The following APAF1 variants were observed in gnomAD, a reference collection of about 807,000 sequenced individuals.
The protein encoded by APAF1 is apoptotic peptidase activating factor 1.
A neutral mutation model predicts 152.4 loss-of-function variants in APAF1; 91 were observed. The observed-to-expected ratio is 0.60, with a 90% CI of 0.50 to 0.71. The LOEUF is 0.71. APAF1 is among the 30% of genes least tolerant of loss of function. The probability of loss-of-function intolerance (pLI) is 0.00; values close to 1 mark genes in which losing one functional copy is unlikely to be tolerated. For missense variants in APAF1, 1,283 were observed against 1,472.0 expected (o/e 0.87, Z 2.10); for synonymous variants, 484 against 494.1 (o/e 0.98, Z 0.27).
At chr12:98,673,695 T>C (rs944338736) in intron 12 of APAF1, among the ~76,000 whole-genome samples, 8 of 152,342 alleles carry the variant, frequency 5.3e-5, no homozygotes, top group South Asian at 2.1e-4. Flanking sequence ...AGCGTTTGAG[T>C]TTCTGTACTG....
Position 98,680,385 on chromosome 12 carries a change from G to A in APAF1, c.2029G>A (p.Val677Met), listed in dbSNP as rs757500870. 6.2e-7 allele frequency: 1 copy of A among 1,613,408 alleles called. No individual in the cohort carries two copies. The highest frequency in any genetic ancestry group is 8.5e-7 in the Non-Finnish European group (1 of 1,179,974). ...TGACAGATTTATAGCAACCTGCTCA[G>A]TGGATAAAAAAGTGAAGGTAGGAAA... Reference protein sequence around the residue: ...TDDRFIATCSVDKKVKIWNSM... With the variant: ...TDDRFIATCSMDKKVKIWNSM... The change falls in exon 14 of 27, where the codon GTG becomes ATG. Residue 677 changes from valine (V) to methionine (M), a missense_variant. Coordinates refer to ENST00000551964, the MANE Select transcript of APAF1 (RefSeq NM_181861.2).
intron 17 of APAF1, among the ~76,000 whole-genome samples, chr12:98,700,103 T>A (rs2097713792): frequency 6.6e-6 from 1 of 152,170 alleles, no homozygotes; most frequent in South Asian, 2.1e-4. Flanking sequence ...ATAAGAAAAT[T>A]CTTTGCTTTT....
intron 25 of APAF1, among the ~76,000 whole-genome samples, chr12:98,726,047 C>T (rs1158105671): frequency 6.6e-6 from 1 of 152,098 alleles, no homozygotes; most frequent in Non-Finnish European, 1.5e-5. Flanking sequence ...TTCACATTTC[C>T]GTCATTGTGG....
In APAF1 at chr12:98,667,441, G is replaced by A. The variant is rs985992988; in HGVS notation, c.1363-72G>A. 4.5e-6 allele frequency: 7 copies of A among 1,572,710 alleles called. No individual in the cohort carries two copies. The East Asian group carries it at 1.6e-4, about 35-fold the overall frequency. On this transcript the variant is annotated intron_variant, in intron 9 of 26. Transcript: ENST00000551964. Reference sequence around the variant, plus strand: ...TCTCTGTACATTCTTAATAGCTTTGGAAGCTGAAGTTACTGTGATGCTTAG... The same window carrying A: ...TCTCTGTACATTCTTAATAGCTTTGAAAGCTGAAGTTACTGTGATGCTTAG...
In APAF1 at chr12:98,649,497, C is replaced by T. The variant is rs139274870; in HGVS notation, c.339C>T (p.Val113=). Residue 113 remains valine (V), a synonymous_variant, in exon 4 of 27, where the codon GTC becomes GTT. Coordinates refer to ENST00000551964, the MANE Select transcript of APAF1 (RefSeq NM_181861.2). ...VSGITSYVRT[V]LCEGGVPQRP... ...TGTTTTGGATTTTAGTAAGGACAGT[C>T]CTGTGTGAAGGTGGAGTACCACAGA... The T allele has an allele frequency of 1.2e-6, 2 of 1,614,132 alleles. No homozygotes were observed. Among genetic ancestry groups the T allele is most frequent in the Admixed American group, 1.7e-5 (1 of 60,020 alleles).
Position 98,723,731 on chromosome 12 carries a change from G to A in APAF1, c.3297G>A (p.Lys1099=), listed in dbSNP as rs1198766874. 1.9e-6 allele frequency: 3 copies of A among 1,613,388 alleles called. No homozygotes were observed. The highest frequency in any genetic ancestry group is 2.5e-6 in the Non-Finnish European group (3 of 1,179,828). ...GTGACATTTCTCACGATGCTACCAA[G>A]TTTTCATCTACCTCTGCTGACAAGA... ...LSCDISHDAT[K]FSSTSADKTA... is the part of the protein sequence containing the mutation. The change falls in exon 24 of 27, where the codon AAG becomes AAA. Residue 1099 remains lysine, a synonymous_variant. Coordinates refer to ENST00000551964, the MANE Select transcript of APAF1 (RefSeq NM_181861.2).
chr12:98,725,576 T>A (rs200045670), intron 25 of APAF1, 36 bp downstream of exon 25: 2 of 1,613,726 alleles, frequency 1.2e-6, no homozygotes, highest in East Asian at 4.5e-5. Flanking sequence ...ACTGCTCTTC[T>A]TGTAGCTTGG....
At chr12:98,715,740 C>G (rs1237983245) in intron 22 of APAF1, among the ~76,000 whole-genome samples, 188 bp downstream of exon 22, 1 of 151,680 alleles carries the variant, frequency 6.6e-6, no homozygotes, top group African/African-American at 2.4e-5. Flanking sequence ...GACAGTTTAT[C>G]TTAGAATCCT....
intron 4 of APAF1, among the ~76,000 whole-genome samples, chr12:98,658,156 A>G (rs1038806642): frequency 2.0e-5 from 3 of 152,086 alleles, no homozygotes; most frequent in Non-Finnish European, 2.9e-5. Context: ...TGTTTACCAT[A>G]TTTTACACAT....
intron 16 of APAF1, among the ~76,000 whole-genome samples, chr12:98,695,089 G>A (rs143020660): frequency 0.019 from 2,951 of 151,604 alleles, 36 homozygotes; most frequent in Non-Finnish European, 0.031. Flanking sequence ...GTCTTGCTCT[G>A]TTGCCCAGGC....
At chr12:98,700,033 A>G (rs1025939052) in intron 17 of APAF1, among the ~76,000 whole-genome samples, 2 of 152,372 alleles carry the variant, frequency 1.3e-5, no homozygotes, top group Admixed American at 1.3e-4. Context: ...ATGCTCATCA[A>G]TGACTGAACA....
Position 98,718,857 on chromosome 12 carries a change from C to A in APAF1, c.3084+3305C>A, listed in dbSNP as rs537952599. Among the ~76,000 whole-genome samples, 5 of 152,096 alleles carry A rather than the reference C, an allele frequency of 3.3e-5. 1 individual carries two copies. The highest frequency in any genetic ancestry group is 1.2e-4 in the African/African-American group (5 of 41,524). ...GCTGAGGTTGGAGGATCGCTTGAGC[C>A]TAGGAGGTCCAGGCTGGAGTGAGCT... On this transcript the variant is annotated intron_variant, in intron 22 of 26. Transcript: ENST00000551964.
At chr12:98,714,645 C>T (rs565488585) in intron 21 of APAF1, among the ~76,000 whole-genome samples, 24 of 152,248 alleles carry the variant, frequency 1.6e-4, no homozygotes, top group Non-Finnish European at 3.4e-4. Context: ...AGGAAGGTTT[C>T]CATTCACACA....
intron 20 of APAF1, among the ~76,000 whole-genome samples, chr12:98,709,442 A>G (rs532138370): frequency 1.3e-4 from 20 of 152,122 alleles, no homozygotes; most frequent in Non-Finnish European, 2.8e-4. Flanking sequence ...GTGGTAACAG[A>G]TGCCCTAAGA....
chr12:98,710,502 A>T (rs1053714487), intron 20 of APAF1, among the ~76,000 whole-genome samples: 1 of 152,230 alleles, frequency 6.6e-6, no homozygotes, highest in African/African-American at 2.4e-5. Flanking sequence ...AGAGTAATAG[A>T]GCACATGTGT....
chr12:98,688,362 C>G (rs2097700222), intron 16 of APAF1, among the ~76,000 whole-genome samples: 1 of 152,126 alleles, frequency 6.6e-6, no homozygotes, highest in Admixed American at 6.5e-5. Context: ...TGCTCTAGTT[C>G]AGGCTGTTGT....
intron 4 of APAF1, among the ~76,000 whole-genome samples, chr12:98,653,871 C>T (rs956185394): frequency 1.3e-5 from 2 of 150,728 alleles, no homozygotes; most frequent in African/African-American, 4.9e-5. Context: ...TTACTGTATT[C>T]GTATGTTGGT....
At chr12:98,678,147 A>G (rs941269303) in intron 13 of APAF1, among the ~76,000 whole-genome samples, 8 of 152,352 alleles carry the variant, frequency 5.3e-5, no homozygotes, top group African/African-American at 1.9e-4. Context: ...GCTTATGTCT[A>G]TATGTGTACT....
intron 16 of APAF1, among the ~76,000 whole-genome samples, chr12:98,689,905 A>C (rs148237361): frequency 6.6e-6 from 1 of 152,298 alleles, no homozygotes; most frequent in East Asian, 1.9e-4. Flanking sequence ...AGTCATTTTA[A>C]TGTGTCTTCT....
Sources: gnomAD v4.1 joint callset for allele counts (sites outside exome capture counted in the v4.1 genomes callset) on GRCh38, gnomAD v4.1.1 for gene constraint, MANE v1.5 for transcripts, NCBI Gene and HGNC (gene_info 2026-07-23, HGNC 2026-07-21) for gene names.